PARVA: variants seen among roughly 807,000 people sequenced by gnomAD.
PARVA encodes parvin alpha.
PARVA carries 25 observed loss-of-function variants against 52.6 expected under a neutral mutation model. The observed-to-expected ratio is 0.48, with a 90% CI of 0.35 to 0.66. The LOEUF (loss-of-function observed/expected upper bound fraction) is 0.66, where lower values mean the gene tolerates loss of function less well. Among genes scored for constraint, PARVA ranks in the 30% least tolerant of loss-of-function variants. The pLI is 0.01. For synonymous variants in PARVA, 185 were observed against 179.1 expected (o/e 1.03, Z -0.26); for missense variants, 373 against 450.9 (o/e 0.83, Z 1.56).
At chr11:12,503,119 C>T (rs1024311793) in intron 5 of PARVA, among the ~76,000 whole-genome samples, 2 of 152,164 alleles carry the variant, frequency 1.3e-5, no homozygotes, top group Admixed American at 6.5e-5. Context: ...GCAGCTTTGG[C>T]AGCCCCCTGG....
intron 1 of PARVA, among the ~76,000 whole-genome samples, chr11:12,442,384 A>C (rs1286849610): frequency 6.6e-6 from 1 of 152,234 alleles, no homozygotes; most frequent in Non-Finnish European, 1.5e-5. Flanking sequence ...TATTCATACT[A>C]TTAACAGGAA....
intron 4 of PARVA, among the ~76,000 whole-genome samples, chr11:12,490,885 T>C (rs1324007851): frequency 6.6e-6 from 1 of 152,188 alleles, no homozygotes; most frequent in Non-Finnish European, 1.5e-5. Flanking sequence ...CTTAAGACTT[T>C]ATTAAGTTAA....
At chr11:12,420,083 T>TC (rs1564842716) in intron 1 of PARVA, among the ~76,000 whole-genome samples, 1 of 152,230 alleles carries the variant, frequency 6.6e-6, no homozygotes, top group Non-Finnish European at 1.5e-5. Context: ...CCTTGAAGTC[T>TC]TTGAGTTTCC....
intron 12 of PARVA, among the ~76,000 whole-genome samples, chr11:12,523,619 G>T (rs115362911): frequency 2.6e-5 from 4 of 152,010 alleles, no homozygotes; most frequent in Non-Finnish European, 5.9e-5. Flanking sequence ...TAATACCTCT[G>T]GGGGGGAGGA....
rs1469621298 is a variant in PARVA, at chr11:12,529,115, T to TTAGAC, written c.*1193_*1197dup. ...TTCTTTTTGCCTTCTAATTGATCAT[T>TTAGAC]TAGACTATTCTGGCTAAGTCTGCCC... is the stretch of plus-strand genomic sequence containing the variant. On this transcript the variant is annotated 3_prime_UTR_variant, in exon 13 of 13. Coordinates refer to ENST00000334956, the MANE Select transcript of PARVA (RefSeq NM_018222.5). 1.3e-5 allele frequency: 2 copies of TTAGAC among 152,258 alleles called. No individual in the cohort carries two copies. Among genetic ancestry groups the TTAGAC allele is most frequent in the East Asian group, 3.9e-4 (2 of 5,190 alleles). The allele number at this position is 152,258 out of a possible 1,614,324, so 9.4% of individuals were successfully genotyped here.
In PARVA at chr11:12,433,479, G is replaced by T. The variant is rs540051716; in HGVS notation, c.137-40266G>T. Among the ~76,000 whole-genome samples the T allele has an allele frequency of 7.2e-5, 11 of 152,292 alleles. No individual in the cohort carries two copies. In the East Asian group the frequency reaches 2.1e-3, roughly 29 times the overall value. The stretch of plus-strand genomic sequence containing the variant: ...ACTTGAGAGTATTTCAGTTTGGGTT[G>T]TGTGGAAGGTTTGTTCTGTTTTGTT... On this transcript the variant is annotated intron_variant, in intron 1 of 12. Coordinates refer to ENST00000334956, the MANE Select transcript of PARVA (RefSeq NM_018222.5).
intron 1 of PARVA, among the ~76,000 whole-genome samples, chr11:12,425,712 A>G (rs1292736940): frequency 6.6e-6 from 1 of 152,134 alleles, no homozygotes; most frequent in South Asian, 2.1e-4. Flanking sequence ...CCCTGTAGGG[A>G]TGGGGCGGAG....
intron 1 of PARVA, among the ~76,000 whole-genome samples, chr11:12,390,375 T>C (rs1238965211): frequency 6.6e-6 from 1 of 152,052 alleles, no homozygotes; most frequent in Non-Finnish European, 1.5e-5. Context: ...GCACACCAGG[T>C]CTGTTGAGGT....
At chr11:12,517,931 G>A in intron 11 of PARVA, among the ~76,000 whole-genome samples, 1 of 152,180 alleles carries the variant, frequency 6.6e-6, no homozygotes, top group Non-Finnish European at 1.5e-5. Context: ...CTGAAGCCTG[G>A]CCCGGGTCCC....
At chr11:12,449,488 C>G (rs1241189104) in intron 1 of PARVA, among the ~76,000 whole-genome samples, 5 of 152,152 alleles carry the variant, frequency 3.3e-5, no homozygotes, top group African/African-American at 2.4e-5. Flanking sequence ...TCATGAAGCA[C>G]CATTTAAGGC....
At chr11:12,402,857 A>G (rs1349838684) in intron 1 of PARVA, among the ~76,000 whole-genome samples, 1 of 152,122 alleles carries the variant, frequency 6.6e-6, no homozygotes, top group Non-Finnish European at 1.5e-5. Flanking sequence ...TCATTTTCGT[A>G]CTCGGAGTGG....
chr11:12,428,648 T>C lies in PARVA; in HGVS notation c.137-45097T>C, dbSNP rs146385776. On this transcript the variant is annotated intron_variant, in intron 1 of 12. Transcript: ENST00000334956. ...TCCATCATGATGAGATATTCATGCG[T>C]GTCTGAATCCCTGATTTGGCTCAGT... Among the ~76,000 whole-genome samples the C allele has an allele frequency of 6.3e-3, 962 of 152,308 alleles. 12 individuals carry two copies. Among genetic ancestry groups the C allele is most frequent in the African/African-American group, 0.022 (896 of 41,570 alleles).
chr11:12,505,839 A>C (rs1236818221), intron 6 of PARVA, among the ~76,000 whole-genome samples: 5 of 152,218 alleles, frequency 3.3e-5, no homozygotes. Context: ...ATGTTTTTAA[A>C]AACTACAATT....
intron 4 of PARVA, among the ~76,000 whole-genome samples, chr11:12,495,554 T>G (rs752663889): frequency 2.0e-5 from 3 of 152,184 alleles, no homozygotes; most frequent in Non-Finnish European, 4.4e-5. Context: ...AGTCCAAAGT[T>G]GTTTTTTTCT....
rs754724593 is a variant in PARVA, at chr11:12,511,379, C to T, written c.717-135C>T. Reference sequence around the variant, plus strand: ...CCAATGGAAGGAGGCTTTTTGAGCTCCTCAACCAAGGGCAGGTGGGTGGCA... The same window carrying T: ...CCAATGGAAGGAGGCTTTTTGAGCTTCTCAACCAAGGGCAGGTGGGTGGCA... On this transcript the variant is annotated intron_variant, in intron 7 of 12. Coordinates refer to ENST00000334956, the MANE Select transcript of PARVA (RefSeq NM_018222.5). 11 of 885,422 alleles carry T rather than the reference C, an allele frequency of 1.2e-5. No individual in the cohort carries two copies. The South Asian group carries it at 1.6e-4, about 13-fold the overall frequency. The allele number at this position is 885,422 out of a possible 1,614,324, so 54.8% of individuals were successfully genotyped here.
At chr11:12,380,034 G>A (rs1266649642) in intron 1 of PARVA, among the ~76,000 whole-genome samples, 4 of 152,068 alleles carry the variant, frequency 2.6e-5, no homozygotes, top group African/African-American at 9.7e-5. Context: ...AATGAGTCTG[G>A]GGTGGCCTTT....
At chr11:12,455,368 T>TA (rs1245208701) in intron 1 of PARVA, among the ~76,000 whole-genome samples, 1 of 152,232 alleles carries the variant, frequency 6.6e-6, no homozygotes, top group African/African-American at 2.4e-5. Flanking sequence ...TATTTCCCTT[T>TA]ATTTACCAGT....
rs976471706 is a variant in PARVA at position 12,384,019 on chromosome 11, C to T, written c.136+6236C>T. ...CCTTTCTACCATATCTGGCCAGTCCCACCCATATGTGCAACTGTCTTTGTG... is the reference window on the plus strand; with the variant it reads ...CCTTTCTACCATATCTGGCCAGTCCTACCCATATGTGCAACTGTCTTTGTG... On this transcript the variant is annotated intron_variant, in intron 1 of 12. Transcript: ENST00000334956. Among the ~76,000 whole-genome samples the T allele has an allele frequency of 7.2e-5, 11 of 152,144 alleles. 1 individual carries two copies. Among genetic ancestry groups the T allele is most frequent in the African/African-American group, 2.4e-4 (10 of 41,432 alleles).
intron 1 of PARVA, among the ~76,000 whole-genome samples, chr11:12,387,280 A>G (rs1021476793): frequency 6.6e-6 from 1 of 152,252 alleles, no homozygotes; most frequent in South Asian, 2.1e-4. Flanking sequence ...CACCAGCACA[A>G]GGAGACCTCC....
Sources: allele counts gnomAD v4.1 joint callset (sites outside exome capture counted in the v4.1 genomes callset), GRCh38; gene constraint gnomAD v4.1.1; transcripts MANE v1.5; gene names NCBI Gene and HGNC (gene_info 2026-07-23, HGNC 2026-07-21).